The following PPHLN1 variants were observed in gnomAD, a reference collection of about 807,000 sequenced individuals.
PPHLN1 encodes the protein periphilin-1.
In PPHLN1, 29 loss-of-function variants were observed where a neutral mutation model predicts 51.3. The ratio of observed to expected loss-of-function variants is 0.57; its 90% CI spans 0.42 to 0.77. The LOEUF (loss-of-function observed/expected upper bound fraction) is 0.77. Among genes scored for constraint, PPHLN1 ranks in the 30% least tolerant of loss-of-function variants. The pLI is 0.00. For missense variants in PPHLN1, 436 were observed against 438.4 expected (o/e 0.99, Z 0.05); for synonymous variants, 147 against 147.8 (o/e 0.99, Z 0.04).
At chr12:42,364,733 C>T (rs912509446) in intron 4 of PPHLN1, among the ~76,000 whole-genome samples, 1 of 152,002 alleles carries the variant, frequency 6.6e-6, no homozygotes, top group African/African-American at 2.4e-5. Context: ...CCAGCTTGGC[C>T]AACATGGGGA....
At chr12:42,341,731 T>C (rs1042289837) in intron 2 of PPHLN1, among the ~76,000 whole-genome samples, 3 of 152,032 alleles carry the variant, frequency 2.0e-5, no homozygotes, top group Middle Eastern at 3.2e-3. Flanking sequence ...ACGCCATTCT[T>C]CTGCCTCAGC....
chr12:42,332,819 G>T, intron 1 of PPHLN1: 2 of 523,962 alleles, frequency 3.8e-6, no homozygotes, highest in South Asian at 4.4e-5. Flanking sequence ...AACTCTTATT[G>T]TTTATTTTTC....
At position 42,375,983 on chromosome 12, in the gene PPHLN1, T is replaced by C. The variant is rs1273220907; in HGVS notation, c.511+909T>C. ...ATATTTCTCACCAGCTAATACCAAC[T>C]TTATCAATATGTTTATATATAACTT... On this transcript the variant is annotated intron_variant, in intron 5 of 9. Coordinates refer to ENST00000358314, the MANE Select transcript of PPHLN1 (RefSeq NM_201439.2). 2.0e-5 allele frequency among the ~76,000 whole-genome samples: 3 copies of C among 152,320 alleles called. No individual in the cohort carries two copies. The East Asian group carries it at 5.8e-4, about 29-fold the overall frequency.
chr12:42,434,983 G>A (rs144672437), intron 9 of PPHLN1, among the ~76,000 whole-genome samples: 1 of 152,292 alleles, frequency 6.6e-6, no homozygotes, highest in Non-Finnish European at 1.5e-5. Context: ...GTGAGCCACC[G>A]CGCCCAGCCC....
rs1565927837 is a variant in PPHLN1, at chr12:42,395,620, T to C, written c.768+1931T>C. On this transcript the variant is annotated intron_variant, in intron 8 of 9. Coordinates refer to ENST00000358314, the MANE Select transcript of PPHLN1 (RefSeq NM_201439.2). ...TTGGCCTTGGTCCTGTAAACTGATATCTAATTTGACAGAATAGCCTGGAAA... is the reference window on the plus strand; with the variant it reads ...TTGGCCTTGGTCCTGTAAACTGATACCTAATTTGACAGAATAGCCTGGAAA... Among the ~76,000 whole-genome samples the C allele has an allele frequency of 3.4e-5, 5 of 147,770 alleles. No homozygotes were observed. The South Asian group carries it at 8.8e-4, about 26-fold the overall frequency.
chr12:42,437,027 C>T (rs1193435983), intron 9 of PPHLN1, among the ~76,000 whole-genome samples: 1 of 152,142 alleles, frequency 6.6e-6, no homozygotes, highest in Non-Finnish European at 1.5e-5. Flanking sequence ...GAGCAGGAAC[C>T]CAAAGCATAG....
chr12:42,355,049 A>G, intron 3 of PPHLN1, 112 bp from the exon 4 acceptor site: 1 of 893,506 alleles, frequency 1.1e-6, no homozygotes, highest in African/African-American at 1.7e-5. Flanking sequence ...TTCCCTTTTT[A>G]TGCCTTTGAA....
At chr12:42,387,608 T>C in intron 7 of PPHLN1, 73 bp downstream of exon 7, 1 of 1,514,936 alleles carries the variant, frequency 6.6e-7, no homozygotes, top group Non-Finnish European at 8.8e-7. Flanking sequence ...CAGATGCTTT[T>C]ATTCTTTACT....
At chr12:42,337,786 T>C (rs980606858) in intron 2 of PPHLN1, among the ~76,000 whole-genome samples, 1 of 112,324 alleles carries the variant, frequency 8.9e-6, no homozygotes, top group Non-Finnish European at 1.9e-5. Context: ...ATTTTATTTA[T>C]TTATTTATTT....
chr12:42,425,928 C>T (rs1158827166), intron 9 of PPHLN1, among the ~76,000 whole-genome samples: 3 of 152,138 alleles, frequency 2.0e-5, no homozygotes, highest in Admixed American at 6.5e-5. Flanking sequence ...TAAGGAAGAA[C>T]TTGCCGCCTC....
chr12:42,353,217 G>T (rs1319876592), intron 3 of PPHLN1, among the ~76,000 whole-genome samples: 1 of 152,166 alleles, frequency 6.6e-6, no homozygotes, highest in Non-Finnish European at 1.5e-5. Context: ...TTCTGTGATG[G>T]AATTCCTCTG....
Position 42,441,524 on chromosome 12 carries a change from GC to G in PPHLN1, c.*16del, listed in dbSNP as rs1362138125. 2.0e-6 allele frequency: 3 copies of G among 1,510,016 alleles called. No individual in the cohort carries two copies. The highest frequency in any genetic ancestry group is 4.7e-5 in the East Asian group (2 of 42,666). 93.5% of individuals were successfully genotyped at this position (1,510,016 alleles called of 1,614,324 possible). A position where few individuals can be genotyped will look rare whatever the true frequency, so the allele number is the denominator to read the frequency against. On this transcript the variant is annotated 3_prime_UTR_variant, in exon 10 of 10. Transcript: ENST00000358314. The stretch of plus-strand genomic sequence containing the variant: ...AGCCTTTTTAGATTTTTCTGCTCAG[GC>G]TAAAAAAAAAAAAAAACAGTTTCTA...
chr12:42,411,903 CAAA>C (rs1212289027), intron 9 of PPHLN1, among the ~76,000 whole-genome samples: 2 of 33,976 alleles, frequency 5.9e-5, no homozygotes, highest in South Asian at 1.4e-3. Flanking sequence ...GACTCAGTCT[CAAA>C]AAAAAAAAAA....
At chr12:42,353,925 T>A (rs1161628518) in intron 3 of PPHLN1, among the ~76,000 whole-genome samples, 1 of 152,196 alleles carries the variant, frequency 6.6e-6, no homozygotes, top group Non-Finnish European at 1.5e-5. Flanking sequence ...ATAACATTTT[T>A]TCTTTAAATT....
intron 4 of PPHLN1, among the ~76,000 whole-genome samples, chr12:42,357,793 G>T (rs1483887496): frequency 6.6e-6 from 1 of 152,012 alleles, no homozygotes; most frequent in Non-Finnish European, 1.5e-5. Context: ...TGAATATATT[G>T]TGTAGTGGTG....
rs118169077 is a variant in PPHLN1, at chr12:42,384,751, A to G, written c.512-189A>G. Among the ~76,000 whole-genome samples the G allele has an allele frequency of 5.9e-3, 900 of 151,900 alleles. 24 individuals are homozygous for G. The East Asian group carries it at 0.068, about 12-fold the overall frequency. On this transcript the variant is annotated intron_variant, in intron 5 of 9. Coordinates refer to ENST00000358314, the MANE Select transcript of PPHLN1 (RefSeq NM_201439.2). ...CCTTAAATGGAGATTTTTTTCTCCC[A>G]TTATTTATTCCCCTTCACTGGTGAT...
downstream of PPHLN1, chr12:42,443,131 G>A (rs118123852): frequency 6.1e-3 from 968 of 158,980 alleles, 18 homozygotes; most frequent in East Asian, 0.029. Flanking sequence ...TCACCTTATC[G>A]CCTCCTCTTC....
At chr12:42,355,417 C>A in intron 4 of PPHLN1, 195 bp downstream of exon 4, 1 of 484,606 alleles carries the variant, frequency 2.1e-6, no homozygotes. Flanking sequence ...CATCTCTTGG[C>A]ATTTTGTAAC....
In PPHLN1 at chr12:42,383,770, G is replaced by A. The variant is rs570732815; in HGVS notation, c.512-1170G>A. Among the ~76,000 whole-genome samples, 124 of 152,094 alleles carry A rather than the reference G, an allele frequency of 8.2e-4. 2 individuals carry two copies. The Middle Eastern group carries it at 0.02, about 25-fold the overall frequency. On this transcript the variant is annotated intron_variant, in intron 5 of 9. Transcript: ENST00000358314. Reference sequence around the variant, plus strand: ...CTGAGGCGGGTGGATCACGAGGTTAGGAGTTCAAGACCAGGCTGGCCAAGA... The same window carrying A: ...CTGAGGCGGGTGGATCACGAGGTTAAGAGTTCAAGACCAGGCTGGCCAAGA...
Sources: gnomAD v4.1 joint callset for allele counts (sites outside exome capture counted in the v4.1 genomes callset) on GRCh38, gnomAD v4.1.1 for gene constraint, MANE v1.5 for transcripts, NCBI Gene and HGNC (gene_info 2026-07-23, HGNC 2026-07-21) for gene names.